The following PTPRM variants were observed in gnomAD, a reference collection of about 807,000 sequenced individuals.
The protein encoded by PTPRM is protein tyrosine phosphatase receptor type M, also known as receptor-type tyrosine-protein phosphatase mu.
In PTPRM, 47 loss-of-function variants were observed where a neutral mutation model predicts 186.7. The observed-to-expected ratio is 0.25, with a 90% confidence interval of 0.20 to 0.32. The LOEUF is 0.32. Among genes scored for constraint, PTPRM ranks in the 10% least tolerant of loss-of-function variants. The pLI is 1.00. For missense variants in PTPRM, 1,494 were observed against 1,865.0 expected (o/e 0.80, Z 3.66); for synonymous variants, 668 against 674.9 (o/e 0.99, Z 0.16).
At chr18:8,310,585 C>T (rs1438218780) in intron 20 of PTPRM, among the ~76,000 whole-genome samples, 12 of 151,528 alleles carry the variant, frequency 7.9e-5, no homozygotes, top group Non-Finnish European at 1.5e-5. Context: ...ATGGTTTGAG[C>T]TTCAATGTCC....
intron 1 of PTPRM, among the ~76,000 whole-genome samples, chr18:7,646,963 C>T (rs573405589): frequency 1.6e-4 from 25 of 152,078 alleles, no homozygotes; most frequent in South Asian, 1.0e-3. Flanking sequence ...CAAGGAGAAA[C>T]GGGTTTCTGC....
chr18:8,261,554 TA>T (rs1255332702), intron 19 of PTPRM, among the ~76,000 whole-genome samples: 5 of 152,202 alleles, frequency 3.3e-5, no homozygotes, highest in Admixed American at 2.0e-4. Context: ...ATATTTGGTT[TA>T]TTTTTTTTTC....
At chr18:8,308,999 G>T (rs2147988640) in intron 20 of PTPRM, among the ~76,000 whole-genome samples, 1 of 152,236 alleles carries the variant, frequency 6.6e-6, no homozygotes, top group East Asian at 1.9e-4. Context: ...ATGTTTGTAT[G>T]ATTTGTTCAA....
intron 20 of PTPRM, 30 bp downstream of exon 20, chr18:8,296,485 G>A (rs1472346004): frequency 1.3e-6 from 2 of 1,522,450 alleles, no homozygotes; most frequent in Non-Finnish European, 9.1e-7. Context: ...TTGTGCTGTT[G>A]TAGAACTTCC....
At chr18:8,268,547 G>T (rs1260621094) in intron 19 of PTPRM, among the ~76,000 whole-genome samples, 3 of 151,986 alleles carry the variant, frequency 2.0e-5, no homozygotes, top group Non-Finnish European at 2.9e-5. Flanking sequence ...CAAAAAAGTT[G>T]AAGATGAGAA....
intron 2 of PTPRM, among the ~76,000 whole-genome samples, chr18:7,784,093 C>T (rs372785302): frequency 6.6e-6 from 1 of 152,176 alleles, no homozygotes; most frequent in Non-Finnish European, 1.5e-5. Flanking sequence ...ACTGTATTCT[C>T]CTTCTGCCTG....
chr18:7,635,347 T>C (rs2038287982), intron 1 of PTPRM, among the ~76,000 whole-genome samples: 2 of 152,190 alleles, frequency 1.3e-5, no homozygotes, highest in Non-Finnish European at 2.9e-5. Flanking sequence ...TTTCTGCTCT[T>C]CCACCAGGTA....
At chr18:8,289,443 C>T (rs10221393) in intron 19 of PTPRM, among the ~76,000 whole-genome samples, 117,466 of 132,004 alleles carry the variant, frequency 0.89, 52,355 homozygotes, top group East Asian at 0.92. Context: ...TGTATATATA[C>T]GTATATATGT....
intron 2 of PTPRM, among the ~76,000 whole-genome samples, chr18:7,863,418 C>T (rs544394752): frequency 8.5e-5 from 13 of 152,062 alleles, no homozygotes; most frequent in Admixed American, 2.0e-4. Flanking sequence ...TCTCATCGTT[C>T]GACTCCCTCT....
intron 2 of PTPRM, among the ~76,000 whole-genome samples, chr18:7,830,276 C>T (rs987487662): frequency 6.6e-6 from 1 of 152,098 alleles, no homozygotes; most frequent in African/African-American, 2.4e-5. Context: ...ATCAGAGCCT[C>T]AGTTTCCCCC....
intron 1 of PTPRM, among the ~76,000 whole-genome samples, chr18:7,584,068 A>G (rs187030746): frequency 1.1e-4 from 17 of 152,328 alleles, no homozygotes; most frequent in African/African-American, 3.1e-4. Context: ...ACTGTTTGGT[A>G]TATAGTACTC....
At chr18:7,684,327 A>C (rs2039548145) in intron 1 of PTPRM, among the ~76,000 whole-genome samples, 1 of 152,144 alleles carries the variant, frequency 6.6e-6, no homozygotes, top group Admixed American at 6.6e-5. Flanking sequence ...TAAATGAATG[A>C]ATAAAATAAA....
At chr18:7,576,573 T>G (rs1220472514) in intron 1 of PTPRM, among the ~76,000 whole-genome samples, 1 of 152,118 alleles carries the variant, frequency 6.6e-6, no homozygotes, top group Non-Finnish European at 1.5e-5. Context: ...CTTCCTGGGC[T>G]CAAGCAGTCC....
chr18:8,109,654 C>T lies in PTPRM; in HGVS notation c.1857-3832C>T, dbSNP rs866859327. On this transcript the variant is annotated intron_variant, in intron 11 of 32. Transcript: ENST00000580170. The stretch of plus-strand genomic sequence containing the variant: ...GTTTGCTTAGATGATATTTATATTA[C>T]AAAACAAAATTTTGTATCATTAGAG... 1.1e-4 allele frequency among the ~76,000 whole-genome samples: 17 copies of T among 152,036 alleles called. 1 individual carries two copies. The highest frequency in any genetic ancestry group is 6.5e-4 in the Admixed American group (10 of 15,268).
chr18:7,716,426 G>A (rs1281965886), intron 1 of PTPRM, among the ~76,000 whole-genome samples: 3 of 152,078 alleles, frequency 2.0e-5, no homozygotes, highest in Non-Finnish European at 4.4e-5. Flanking sequence ...CAGAGGCATG[G>A]GCAGAGACTT....
intron 1 of PTPRM, among the ~76,000 whole-genome samples, chr18:7,602,205 A>C (rs1567976994): frequency 6.6e-6 from 1 of 152,122 alleles, no homozygotes; most frequent in African/African-American, 2.4e-5. Flanking sequence ...CTGGGTGGGG[A>C]CCTTGGTGTA....
chr18:8,115,047 T>G (rs970670275), intron 13 of PTPRM, among the ~76,000 whole-genome samples: 3 of 145,838 alleles, frequency 2.1e-5, no homozygotes, highest in African/African-American at 8.5e-5. Flanking sequence ...AATAAGAAGC[T>G]ATATTTCTGT....
At position 8,288,615 on chromosome 18, in the gene PTPRM, G is replaced by A. The variant is rs143997311; in HGVS notation, c.2755-7753G>A. Among the ~76,000 whole-genome samples, 123 of 152,280 alleles carry A rather than the reference G, an allele frequency of 8.1e-4. 2 individuals are homozygous for A. Among genetic ancestry groups the A allele is most frequent in the Admixed American group, 1.6e-3 (24 of 15,300 alleles). ...CTTGTCCAAGGAATGTTCAGCAGCCGTGAACACTCCGCAGTTACTGTTTCC... is the reference window on the plus strand; with the variant it reads ...CTTGTCCAAGGAATGTTCAGCAGCCATGAACACTCCGCAGTTACTGTTTCC... On this transcript the variant is annotated intron_variant, in intron 19 of 32. Coordinates refer to ENST00000580170, the MANE Select transcript of PTPRM (RefSeq NM_001105244.2).
intron 2 of PTPRM, among the ~76,000 whole-genome samples, chr18:7,823,147 T>G (rs1335859617): frequency 6.6e-6 from 1 of 152,166 alleles, no homozygotes; most frequent in African/African-American, 2.4e-5. Flanking sequence ...CAGGATTTAA[T>G]ATTCCATAGC....
Sources: allele counts gnomAD v4.1 joint callset (sites outside exome capture counted in the v4.1 genomes callset), GRCh38; gene constraint gnomAD v4.1.1; transcripts MANE v1.5; gene names NCBI Gene and HGNC (gene_info 2026-07-23, HGNC 2026-07-21).